Variants in PHF2 observed in about 807,000 individuals in gnomAD.
PHF2 encodes lysine-specific demethylase PHF2.
PHF2 carries 27 observed loss-of-function variants against 120.5 expected under a neutral mutation model. The observed-to-expected ratio is 0.22, with a 90% confidence interval of 0.17 to 0.31. The LOEUF (loss-of-function observed/expected upper bound fraction) is 0.31. Ranked by LOEUF, PHF2 falls within the 10% of genes least tolerant of loss-of-function variation. The pLI is 1.00. For missense variants in PHF2, 1,024 were observed against 1,434.8 expected, an observed-to-expected ratio of 0.71 and a Z score of 4.63; for synonymous variants, 568 against 592.5, an observed-to-expected ratio of 0.96 and a Z score of 0.60.
intron 1 of PHF2, among the ~76,000 whole-genome samples, chr9:93,595,366 C>T (rs540527702): frequency 6.6e-6 from 1 of 152,352 alleles, no homozygotes; most frequent in South Asian, 2.1e-4. Context: ...AGATACTCTT[C>T]ACCTGGAGGT....
chr9:93,630,793 C>T (rs1825989227), intron 2 of PHF2, among the ~76,000 whole-genome samples: 1 of 152,116 alleles, frequency 6.6e-6, no homozygotes, highest in South Asian at 2.1e-4. Flanking sequence ...GGCCTGTAGA[C>T]AGGACAGATG....
chr9:93,582,040 C>T (rs1053965100), intron 1 of PHF2, among the ~76,000 whole-genome samples: 7 of 152,128 alleles, frequency 4.6e-5, no homozygotes, highest in Non-Finnish European at 8.8e-5. Flanking sequence ...GGGTTTAATG[C>T]CATAGGGGTT....
chr9:93,587,419 G>A (rs1477724530), intron 1 of PHF2, among the ~76,000 whole-genome samples: 12 of 150,140 alleles, frequency 8.0e-5, no homozygotes, highest in African/African-American at 1.7e-4. Flanking sequence ...GGTGAGGGAC[G>A]GAGAAATCCC....
At chr9:93,578,702 A>T (rs537197070) in intron 1 of PHF2, among the ~76,000 whole-genome samples, 1 of 151,744 alleles carries the variant, frequency 6.6e-6, no homozygotes, top group African/African-American at 2.4e-5. Flanking sequence ...CAAGGGAAAA[A>T]CTCCAGGAAT....
rs762337849 is a variant in PHF2, at chr9:93,576,781, C to T, written c.8C>T (p.Thr3Met). 1 of 1,260,070 alleles carries T rather than the reference C, an allele frequency of 7.9e-7. No individual in the cohort carries two copies. The highest frequency in any genetic ancestry group is 1.0e-6 in the Non-Finnish European group (1 of 969,652). 78.1% of individuals were successfully genotyped at this position (1,260,070 alleles called of 1,614,324 possible). Residue 3 changes from threonine (T) to methionine (M), a missense_variant, in exon 1 of 22, where the codon ACG (threonine) becomes ATG (methionine). By Grantham distance (81) the Thr-to-Met change is moderately conservative (BLOSUM62 -1). Around this residue, in one of 2 missense-constraint regions of PHF2, gnomAD observed 347 missense variants for 577.4 expected, o/e 0.60. Coordinates refer to ENST00000359246, the MANE Select transcript of PHF2 (RefSeq NM_005392.4). ...GCGGCGCGGCGCGGCAACATGGCGA[C>T]GGTGCCCGTGTACTGCGTCTGCCGG... is the stretch of plus-strand genomic sequence containing the variant. Reference protein sequence around the residue: MATVPVYCVCRLP... With the variant: MAMVPVYCVCRLP...
intron 3 of PHF2, among the ~76,000 whole-genome samples, chr9:93,642,530 A>G (rs773246267): frequency 6.6e-5 from 10 of 152,258 alleles, no homozygotes; most frequent in Non-Finnish European, 1.5e-4. Context: ...CTAAAGTTCT[A>G]GAGTGAAAGC....
chr9:93,599,062 A>C (rs529991132), intron 1 of PHF2, among the ~76,000 whole-genome samples: 1 of 152,250 alleles, frequency 6.6e-6, no homozygotes, highest in African/African-American at 2.4e-5. Flanking sequence ...TGTGTCCAGC[A>C]CAGGTCTCAG....
chr9:93,662,416 T>C (rs1587714539), intron 12 of PHF2, among the ~76,000 whole-genome samples: 1 of 149,674 alleles, frequency 6.7e-6, no homozygotes, highest in Non-Finnish European at 1.5e-5. Context: ...GATGGAAGGA[T>C]AGATGAAAAA....
chr9:93,576,942 C>G (rs1862829773), intron 1 of PHF2, 71 bp downstream of exon 1: 1 of 630,736 alleles, frequency 1.6e-6, no homozygotes, highest in Non-Finnish European at 2.0e-6. Context: ...GCCCCGCGCC[C>G]CCGGCTGCGC....
At chr9:93,608,052 A>G (rs1825574105) in intron 1 of PHF2, among the ~76,000 whole-genome samples, 2 of 152,048 alleles carry the variant, frequency 1.3e-5, no homozygotes, top group Admixed American at 1.3e-4. Context: ...AGGAAGGAAG[A>G]AAGATGTATT....
intron 1 of PHF2, among the ~76,000 whole-genome samples, chr9:93,621,751 A>G (rs566366819): frequency 6.6e-6 from 1 of 151,594 alleles, no homozygotes; most frequent in Admixed American, 6.6e-5. Flanking sequence ...GTCTGCCCCC[A>G]GGATCCAGGA....
rs1376481871 is a variant in PHF2, at chr9:93,677,223, G to C, written c.3202+260G>C. On this transcript the variant is annotated intron_variant, in intron 21 of 21. Coordinates refer to ENST00000359246, the MANE Select transcript of PHF2 (RefSeq NM_005392.4). The surrounding 1 kb of genome is among the most constrained non-coding windows in gnomAD (Gnocchi z 4.4). ...GCCTGCACCCCTGCACCCCAGCCGT[G>C]GGGCCGGCCAGCTGTGGGGACTGAG... Among the ~76,000 whole-genome samples the C allele has an allele frequency of 6.6e-6, 1 of 151,336 alleles. No individual in the cohort carries two copies. The highest frequency in any genetic ancestry group is 1.5e-5 in the Non-Finnish European group (1 of 67,910).
Position 93,576,753 on chromosome 9 carries a change from G to A in PHF2, c.-21G>A. On this transcript the variant is annotated 5_prime_UTR_variant, in exon 1 of 22. Transcript: ENST00000359246. ...CCGGGCAGCGCAGCGGCGGGGCCGA[G>A]CGGCGGCGCGGCGCGGCAACATGGC... The A allele has an allele frequency of 8.6e-7, 1 of 1,167,958 alleles. No homozygotes were observed. The highest frequency in any genetic ancestry group is 1.5e-5 in the South Asian group (1 of 68,654). 72.3% of individuals were successfully genotyped at this position (1,167,958 alleles called of 1,614,324 possible).
At position 93,667,137 on chromosome 9, in the gene PHF2, C is replaced by T. The variant is rs754571154; in HGVS notation, c.2245C>T (p.Arg749Cys). The change falls in exon 17 of 22, where the codon CGC becomes TGC. Residue 749 changes from arginine to cysteine, a missense_variant. Physicochemically the swap from Arg to Cys is radical, Grantham distance 180. This residue lies in a region of PHF2 where 677 missense variants were observed against 857.4 expected (regional missense o/e 0.79). Coordinates refer to ENST00000359246, the MANE Select transcript of PHF2 (RefSeq NM_005392.4). The stretch of plus-strand genomic sequence containing the variant: ...CATCGACACAGACACCAAGCCCGGC[C>T]GCAATGCCAGAGTCAAGAAGGAGAG... ...LHIDTDTKPGRNARVKKESGS... is the reference protein window; with the variant it reads ...LHIDTDTKPGCNARVKKESGS... 6.8e-6 allele frequency: 11 copies of T among 1,613,160 alleles called. No homozygotes were observed. Among genetic ancestry groups the T allele is most frequent in the South Asian group, 1.1e-5 (1 of 91,082 alleles).
At chr9:93,644,943 A>T (rs536080691) in intron 3 of PHF2, among the ~76,000 whole-genome samples, 1 of 152,152 alleles carries the variant, frequency 6.6e-6, no homozygotes, top group African/African-American at 2.4e-5. Flanking sequence ...GCAGGCCAGG[A>T]CAGGATGCTC....
At chr9:93,673,162 GT>G (rs1378963041) in intron 17 of PHF2, among the ~76,000 whole-genome samples, 1 of 151,924 alleles carries the variant, frequency 6.6e-6, no homozygotes, top group Non-Finnish European at 1.5e-5. Flanking sequence ...TAGTTCTGTA[GT>G]TGGGAGAGAG....
At chr9:93,604,592 G>T (rs2131619980) in intron 1 of PHF2, among the ~76,000 whole-genome samples, 2 of 151,906 alleles carry the variant, frequency 1.3e-5, no homozygotes, top group South Asian at 4.2e-4. Flanking sequence ...AGCCTCCCAA[G>T]TAATTGGGAC....
At chr9:93,648,308 T>C (rs1343734317) in intron 4 of PHF2, among the ~76,000 whole-genome samples, 2 of 152,230 alleles carry the variant, frequency 1.3e-5, no homozygotes, top group African/African-American at 2.4e-5. Context: ...GGTTAGAGGC[T>C]TGCTTGACTT....
chr9:93,651,413 GGTT>G (rs529645469), intron 5 of PHF2, among the ~76,000 whole-genome samples: 1 of 152,258 alleles, frequency 6.6e-6, no homozygotes, highest in South Asian at 2.1e-4. Flanking sequence ...ATCATTAGGG[GGTT>G]GTTTGCAACT....
Sources: gnomAD v4.1 joint callset for allele counts (sites outside exome capture counted in the v4.1 genomes callset) on GRCh38, gnomAD v4.1.1 for gene constraint, gnomAD v4.1.1 regional missense constraint, Gnocchi (gnomAD v3.1) non-coding constraint, MANE v1.5 for transcripts, NCBI Gene and HGNC (gene_info 2026-07-23, HGNC 2026-07-21) for gene names.